Variants in NBN observed in about 807,000 individuals in gnomAD.
NBN encodes the protein nibrin, also known as Nijmegen breakage syndrome 1 (nibrin).
In NBN, 88 loss-of-function variants were observed where a neutral mutation model predicts 90.8. The observed-to-expected ratio is 0.97, with a 90% CI of 0.82 to 1.16. NBN has a LOEUF of 1.16. Among genes scored for constraint, NBN ranks in the 50% most tolerant of loss-of-function variants. The pLI is 0.00. For synonymous variants in NBN, 328 were observed against 295.1 expected (o/e 1.11, Z -1.14); for missense variants, 894 against 869.6 (o/e 1.03, Z -0.35).
rs1343320057 is a variant in NBN, at chr8:89,960,922, A to G, written c.995-2068T>C. 2.0e-5 allele frequency among the ~76,000 whole-genome samples: 3 copies of G among 152,338 alleles called. No individual in the cohort carries two copies. The East Asian group carries it at 5.8e-4, about 29-fold the overall frequency. On this transcript the variant is annotated intron_variant, in intron 8 of 15. Transcript: ENST00000265433. ...GTTCCCCCAAAGTTGGTTGTGCTAT[A>G]AAATTATTTTATTATCAGAGGACTA... is the stretch of plus-strand genomic sequence containing the variant.
rs746913991 is a variant in NBN, at chr8:89,978,211, A to T, written c.584+9T>A. On this transcript the variant is annotated intron_variant, in intron 5 of 15. Coordinates refer to ENST00000265433, the MANE Select transcript of NBN (RefSeq NM_002485.5). ...TGACATCTTGTTATATTTAAAATAC[A>T]TAATATACCTTTCAATTTGTGGAGG... 1 of 1,594,794 alleles carries T rather than the reference A, an allele frequency of 6.3e-7. No individual in the cohort carries two copies. The highest frequency in any genetic ancestry group is 8.6e-7 in the Non-Finnish European group (1 of 1,162,670).
At chr8:89,944,683 T>A (rs1001594568) in intron 13 of NBN, among the ~76,000 whole-genome samples, 1 of 152,158 alleles carries the variant, frequency 6.6e-6, no homozygotes, top group Non-Finnish European at 1.5e-5. Context: ...GCTCAAATGA[T>A]CCTTCAACTT....
chr8:89,943,291 TC>T lies in NBN; in HGVS notation c.2145del (p.Asn716IlefsTer4). 1 of 1,613,750 alleles carries T rather than the reference TC, an allele frequency of 6.2e-7. No homozygotes were observed. Among genetic ancestry groups the T allele is most frequent in the Non-Finnish European group, 8.5e-7 (1 of 1,179,748 alleles). Reference sequence around the variant, plus strand: ...CTTAGCCACTCTTCTAGTTCTGTATTCTTTCGAGCATGATGAGCTATTAGAT... The same window carrying T: ...CTTAGCCACTCTTCTAGTTCTGTATTTTTCGAGCATGATGAGCTATTAGAT... Reference protein sequence around the residue: ...GSDLIAHHARKNTELEEWLRQ... With the variant: ...GSDLIAHHARXNTELEEWLRQ... On this transcript the variant is annotated frameshift_variant, in exon 14 of 16. Transcript: ENST00000265433. LOFTEE classifies it high-confidence loss of function.
rs78112810 is a variant in NBN, at chr8:89,948,141, T to C, written c.1846-249A>G. Reference sequence around the variant, plus strand: ...AAGAATTGGAAGCGATCTAAATCCATATAAATCACATGCTTAGAGAATATT... The same window carrying C: ...AAGAATTGGAAGCGATCTAAATCCACATAAATCACATGCTTAGAGAATATT... On this transcript the variant is annotated intron_variant, in intron 11 of 15. Transcript: ENST00000265433. Among the ~76,000 whole-genome samples the C allele has an allele frequency of 5.1e-3, 782 of 152,306 alleles. 10 individuals are homozygous for C. The highest frequency in any genetic ancestry group is 0.017 in the African/African-American group (711 of 41,576).
chr8:89,971,854 G>A lies in NBN; in HGVS notation c.585-564C>T, dbSNP rs1811531428. 2.0e-5 allele frequency among the ~76,000 whole-genome samples: 3 copies of A among 152,072 alleles called. No individual in the cohort carries two copies. The South Asian group carries it at 6.2e-4, about 31-fold the overall frequency. On this transcript the variant is annotated intron_variant, in intron 5 of 15. Coordinates refer to ENST00000265433, the MANE Select transcript of NBN (RefSeq NM_002485.5). The stretch of plus-strand genomic sequence containing the variant: ...TTAGCTCTTTAATTTAATGCTATAA[G>A]AACATCTTAATCATCCATGAAAATA...
intron 4 of NBN, 144 bp from the exon 5 acceptor site, chr8:89,978,467 G>C (rs1811881314): frequency 1.6e-6 from 1 of 643,848 alleles, no homozygotes; most frequent in African/African-American, 1.8e-5. Flanking sequence ...TTATAAAGAA[G>C]CCACAATCTA....
rs1279902767 is a variant in NBN, at chr8:89,981,371, T to C, written c.320+4A>G. On this transcript the variant is annotated splice_donor_region_variant and intron_variant, in intron 3 of 15. Coordinates refer to ENST00000265433, the MANE Select transcript of NBN (RefSeq NM_002485.5). ...ATTTTAAAATCAATTTTAAAATGTC[T>C]TACCTGAATTTACTTCCAAACACTC... is the stretch of plus-strand genomic sequence containing the variant. 6.2e-7 allele frequency: 1 copy of C among 1,613,558 alleles called. No homozygotes were observed. The highest frequency in any genetic ancestry group is 1.1e-5 in the South Asian group (1 of 91,076).
chr8:89,957,648 A>G (rs1453176895), intron 9 of NBN, among the ~76,000 whole-genome samples: 1 of 152,156 alleles, frequency 6.6e-6, no homozygotes, highest in Non-Finnish European at 1.5e-5. Context: ...TGTCTTATAC[A>G]GGTATACCAT....
At chr8:89,984,468 C>T (rs1044914329) in intron 1 of NBN, 57 bp downstream of exon 1, 3 of 1,524,850 alleles carry the variant, frequency 2.0e-6, no homozygotes, top group African/African-American at 1.4e-5. Flanking sequence ...CGCAGGCCCT[C>T]CCCCGAGGCA....
chr8:89,978,992 T>C (rs1811913222), intron 4 of NBN, among the ~76,000 whole-genome samples: 1 of 152,194 alleles, frequency 6.6e-6, no homozygotes, highest in Admixed American at 6.5e-5. Flanking sequence ...GCTTTTTTAT[T>C]TTTGAGACAG....
At chr8:89,982,669 T>C in intron 2 of NBN, 53 bp downstream of exon 2, 2 of 1,455,056 alleles carry the variant, frequency 1.4e-6, no homozygotes, top group Non-Finnish European at 1.9e-6. Context: ...AGAGAATATT[T>C]TGTGATTTCA....
chr8:89,984,573 C>G lies in NBN; in HGVS notation c.-12G>C. On this transcript the variant is annotated 5_prime_UTR_variant, in exon 1 of 16. Transcript: ENST00000265433. ...AGCAGTTTCCACATCGGTCCGGCTC[C>G]TCAGGGCTGGGGCCGACGTGCAACC... 6.2e-7 allele frequency: 1 copy of G among 1,612,950 alleles called. No homozygotes were observed. The highest frequency in any genetic ancestry group is 8.5e-7 in the Non-Finnish European group (1 of 1,179,746).
intron 8 of NBN, among the ~76,000 whole-genome samples, chr8:89,960,809 C>T (rs1810959370): frequency 6.6e-6 from 1 of 151,952 alleles, no homozygotes; most frequent in Non-Finnish European, 1.5e-5. Flanking sequence ...AGGTATATAA[C>T]AAATGTTCAA....
At chr8:89,983,448 C>T (rs1351695739) in intron 1 of NBN, among the ~76,000 whole-genome samples, 1 of 149,168 alleles carries the variant, frequency 6.7e-6, no homozygotes. Context: ...AAAAAAAAAT[C>T]AAGAAAAATG....
chr8:89,963,865 T>TTTA (rs1275690042), intron 8 of NBN, among the ~76,000 whole-genome samples: 3 of 152,206 alleles, frequency 2.0e-5, no homozygotes, highest in Non-Finnish European at 2.9e-5. Flanking sequence ...CACATCCAGA[T>TTTA]TTCCACAATA....
chr8:89,970,220 G>A (rs1811439275), intron 7 of NBN, 144 bp downstream of exon 7: 1 of 671,754 alleles, frequency 1.5e-6, no homozygotes, highest in Non-Finnish European at 2.5e-6. Flanking sequence ...CTGCACTCCA[G>A]CCTGGGCAAC....
At chr8:89,972,842 A>C (rs1302429518) in intron 5 of NBN, among the ~76,000 whole-genome samples, 5 of 152,242 alleles carry the variant, frequency 3.3e-5, no homozygotes. Flanking sequence ...GTCAAACATG[A>C]CTATAAAACT....
At chr8:89,975,431 T>C (rs752944952) in intron 5 of NBN, among the ~76,000 whole-genome samples, 2 of 152,216 alleles carry the variant, frequency 1.3e-5, no homozygotes, top group Non-Finnish European at 2.9e-5. Flanking sequence ...TTCTGTTAAT[T>C]GAGTACTCAG....
chr8:89,984,382 A>G lies in NBN; in HGVS notation c.37+143T>C, dbSNP rs1447491586. 12 of 779,314 alleles carry G rather than the reference A, an allele frequency of 1.5e-5. No homozygotes were observed. In the East Asian group the frequency reaches 3.2e-4, roughly 21 times the overall value. The allele number at this position is 779,314 out of a possible 1,614,324, so 48.3% of individuals were successfully genotyped here. ...TGCCCGGGAAGAATATGCGCTTGCC[A>G]TACAGCGTACTCGCCGCTTCTGCGA... is the stretch of plus-strand genomic sequence containing the variant. On this transcript the variant is annotated intron_variant, in intron 1 of 15. Transcript: ENST00000265433.
Sources: allele counts gnomAD v4.1 joint callset (sites outside exome capture counted in the v4.1 genomes callset), GRCh38; gene constraint gnomAD v4.1.1; transcripts MANE v1.5; gene names NCBI Gene and HGNC (gene_info 2026-07-23, HGNC 2026-07-21).